Variants in NCOR2 observed in about 807,000 individuals in gnomAD.
NCOR2 encodes the protein CTG repeat protein 26.
In NCOR2, 81 loss-of-function variants were observed where a neutral mutation model predicts 262.9. The ratio of observed to expected loss-of-function variants is 0.31; its 90% CI spans 0.26 to 0.37. The LOEUF (loss-of-function observed/expected upper bound fraction) is 0.37, where lower values mean the gene tolerates loss of function less well. Among genes scored for constraint, NCOR2 ranks in the 10% least tolerant of loss-of-function variants. The probability of loss-of-function intolerance (pLI) is 1.00; values close to 1 mark genes in which losing one functional copy is unlikely to be tolerated. For missense variants in NCOR2, 3,385 were observed against 3,621.4 expected (o/e 0.93, Z 1.68); for synonymous variants, 1,659 against 1,559.3 (o/e 1.06, Z -1.51).
intron 22 of NCOR2, 98 bp downstream of exon 24, chr12:124,362,028 G>T: frequency 1.8e-6 from 2 of 1,106,786 alleles, no homozygotes; most frequent in Non-Finnish European, 1.1e-6. Flanking sequence ...TGCCACTGTG[G>T]CCATGGGGTT....
chr12:124,331,452 G>C (rs1048439872), intron 43 of NCOR2: 2 of 154,626 alleles, frequency 1.3e-5, no homozygotes. Flanking sequence ...TACCAGCCTG[G>C]GTCAGAGATT....
At chr12:124,555,298 T>C (rs2051846610) in intron 1 of NCOR2, among the ~76,000 whole-genome samples, 1 of 152,072 alleles carries the variant, frequency 6.6e-6, no homozygotes, top group Non-Finnish European at 1.5e-5. Flanking sequence ...ACAGCAACGC[T>C]GGGGCAGGGG....
chr12:124,486,436 C>T lies in NCOR2; in HGVS notation c.233+5G>A. ...TGGACAGGGAGGCAGCAACTCTCTC[C>T]TCACCGTTCATTCCCGGGCTGGAAC... On this transcript the variant is annotated splice_donor_5th_base_variant and intron_variant, in intron 2 of 46. Coordinates refer to ENST00000405201, the Ensembl canonical transcript of NCOR2. 6.2e-7 allele frequency: 1 copy of T among 1,612,660 alleles called. No individual in the cohort carries two copies. The highest frequency in any genetic ancestry group is 8.5e-7 in the Non-Finnish European group (1 of 1,179,606).
At chr12:124,336,495 C>T (rs566485157) in intron 38 of NCOR2, 10 of 842,412 alleles carry the variant, frequency 1.2e-5, no homozygotes, top group African/African-American at 1.8e-5. Context: ...TAGTCGTCAG[C>T]GCGTGCAAAC....
At chr12:124,337,005 C>T in exon 38 of NCOR2, 1 of 1,509,576 alleles carries the variant, frequency 6.6e-7, no homozygotes, top group Non-Finnish European at 8.8e-7. Context: ...GCGAGGAAGG[C>T]ATGGCCGGTG....
intron 1 of NCOR2, among the ~76,000 whole-genome samples, chr12:124,565,394 G>A (rs991403420): frequency 2.0e-5 from 3 of 152,166 alleles, no homozygotes; most frequent in African/African-American, 4.8e-5. Flanking sequence ...CTGCCGACTC[G>A]CCAGTCACCG....
chr12:124,500,754 T>G (rs2048656819), intron 1 of NCOR2, among the ~76,000 whole-genome samples: 1 of 151,886 alleles, frequency 6.6e-6, no homozygotes, highest in Non-Finnish European at 1.5e-5. Context: ...CCGAGACACA[T>G]TCCATAGATT....
chr12:124,361,113 C>G (rs1198414369), intron 22 of NCOR2, among the ~76,000 whole-genome samples: 1 of 118,828 alleles, frequency 8.4e-6, no homozygotes, highest in Non-Finnish European at 1.8e-5. Context: ...AGTGACACTC[C>G]GTCTCAAACA....
chr12:124,431,634 G>A (rs183858280), intron 8 of NCOR2, among the ~76,000 whole-genome samples: 35 of 145,918 alleles, frequency 2.4e-4, no homozygotes, highest in African/African-American at 8.4e-4. Flanking sequence ...GATATACACA[G>A]GCACACATAC....
chr12:124,439,248 C>CGG (rs2044645049), intron 7 of NCOR2, among the ~76,000 whole-genome samples: 1 of 144,748 alleles, frequency 6.9e-6, no homozygotes, highest in African/African-American at 2.6e-5. Flanking sequence ...GACAGAGACC[C>CGG]AGAGAGAGAG....
At chr12:124,496,575 C>G (rs1400328469), upstream of NCOR2, among the ~76,000 whole-genome samples, 2 of 152,064 alleles carry the variant, frequency 1.3e-5, no homozygotes, top group East Asian at 3.9e-4. This position sits in a 1 kb window ranked among gnomAD's most constrained non-coding sequence, Gnocchi z 4.4. Flanking sequence ...ATCAGAACAC[C>G]CCCTCCCCCA....
chr12:124,550,690 T>C (rs2051687505), intron 1 of NCOR2, among the ~76,000 whole-genome samples: 1 of 152,208 alleles, frequency 6.6e-6, no homozygotes, highest in Non-Finnish European at 1.5e-5. Context: ...AACAGTCTTT[T>C]ATGTAAAGCA....
intron 19 of NCOR2, among the ~76,000 whole-genome samples, chr12:124,373,846 T>TGGACAAC (rs2039762093): frequency 8.0e-4 from 4 of 5,006 alleles, no homozygotes; most frequent in Admixed American, 6.3e-3. Flanking sequence ...TGGACAATCA[T>TGGACAAC]GAGGCCAGTG....
chr12:124,537,782 C>A (rs2051159987), upstream of NCOR2: 1 of 152,126 alleles, frequency 6.6e-6, no homozygotes, highest in East Asian at 1.9e-4. Context: ...AAGGAGGGAG[C>A]CTTTGAAAGG....
intron 7 of NCOR2, among the ~76,000 whole-genome samples, chr12:124,447,692 T>G (rs1397558364): frequency 6.7e-6 from 1 of 149,576 alleles, no homozygotes; most frequent in Non-Finnish European, 1.5e-5. Flanking sequence ...TCTTTTTTCT[T>G]TCTTTCTTTT....
At chr12:124,562,209 T>C (rs2052094883) in intron 1 of NCOR2, 1 of 152,218 alleles carries the variant, frequency 6.6e-6, no homozygotes, top group Non-Finnish European at 1.5e-5. Flanking sequence ...CCAGTTCAGC[T>C]GCTCAGTGGC....
intron 13 of NCOR2, among the ~76,000 whole-genome samples, chr12:124,415,618 T>A (rs533208757): frequency 6.6e-6 from 1 of 152,358 alleles, no homozygotes; most frequent in South Asian, 2.1e-4. Flanking sequence ...CCCGGCTTGC[T>A]TTCTGCCATC....
Position 124,448,070 on chromosome 12 carries a change from C to T in NCOR2, c.815+1745G>A, listed in dbSNP as rs142921917. On this transcript the variant is annotated intron_variant, in intron 7 of 46. Transcript: ENST00000405201. ...AGACAAATCTTGATGAGGGATGAGG[C>T]CTTTGTTTTATCCAAGGCTGAATAG... is the stretch of plus-strand genomic sequence containing the variant. Among the ~76,000 whole-genome samples the T allele has an allele frequency of 3.8e-3, 576 of 152,314 alleles. 1 individual carries two copies. Among genetic ancestry groups the T allele is most frequent in the African/African-American group, 0.012 (508 of 41,564 alleles).
At chr12:124,478,802 C>T (rs756702298) in intron 3 of NCOR2, among the ~76,000 whole-genome samples, 2 of 151,952 alleles carry the variant, frequency 1.3e-5, no homozygotes, top group Non-Finnish European at 2.9e-5. Context: ...AAGACAGAGA[C>T]GTGGTGACAG....
Sources: gnomAD v4.1 joint callset for allele counts (sites outside exome capture counted in the v4.1 genomes callset) on GRCh38, gnomAD v4.1.1 for gene constraint, Gnocchi (gnomAD v3.1) non-coding constraint, MANE v1.5 for transcripts, NCBI Gene and HGNC (gene_info 2026-07-23, HGNC 2026-07-21) for gene names.